The following TMTC1 variants were observed in gnomAD, a reference collection of about 807,000 sequenced individuals.
The protein encoded by TMTC1 is protein O-mannosyl-transferase TMTC1.
Under a neutral mutation model 104.8 loss-of-function variants are expected in TMTC1, and 73 were observed. That is an observed-to-expected ratio of 0.70 (90% CI 0.58 to 0.85). The LOEUF is 0.85. Among genes scored for constraint, TMTC1 ranks in the 40% least tolerant of loss-of-function variants. TMTC1 has a pLI of 0.00. For synonymous variants in TMTC1, 434 were observed against 428.7 expected (o/e 1.01, Z -0.15); for missense variants, 1,035 against 1,096.1 (o/e 0.94, Z 0.79).
Position 29,768,191 on chromosome 12 carries a change from T to G in TMTC1, c.303-116A>C, listed in dbSNP as rs150440187. On this transcript the variant is annotated intron_variant, in intron 1 of 17. Transcript: ENST00000539277. ...GATAAGCTATTAGATTAATGATTTTTAAATGATTCCCAACATTGGGTTATT... is the reference window on the plus strand; with the variant it reads ...GATAAGCTATTAGATTAATGATTTTGAAATGATTCCCAACATTGGGTTATT... The G allele has an allele frequency of 2.1e-3, 1,723 of 805,084 alleles. 23 individuals carry two copies. In the African/African-American group the frequency reaches 0.025, roughly 12 times the overall value. The allele number at this position is 805,084 out of a possible 1,614,324, so 49.9% of individuals were successfully genotyped here.
intron 7 of TMTC1, among the ~76,000 whole-genome samples, chr12:29,599,095 T>C (rs1946485817): frequency 6.6e-6 from 1 of 152,238 alleles, no homozygotes; most frequent in Non-Finnish European, 1.5e-5. Context: ...GAATGAATAT[T>C]CAGTCACTTT....
intron 4 of TMTC1, among the ~76,000 whole-genome samples, chr12:29,752,584 A>G (rs182736379): frequency 6.6e-6 from 1 of 152,378 alleles, no homozygotes; most frequent in East Asian, 1.9e-4. Flanking sequence ...TTAGTTTATA[A>G]TAGCAAAAAT....
At chr12:29,625,820 G>A (rs999299337) in intron 6 of TMTC1, among the ~76,000 whole-genome samples, 1 of 152,128 alleles carries the variant, frequency 6.6e-6, no homozygotes. Flanking sequence ...CCCTTAATTA[G>A]CTGGGAGAAA....
At chr12:29,736,149 C>A (rs1942666895) in intron 5 of TMTC1, among the ~76,000 whole-genome samples, 1 of 149,952 alleles carries the variant, frequency 6.7e-6, no homozygotes, top group African/African-American at 2.5e-5. Context: ...AGCCAATATA[C>A]AGAAAGCCCA....
intron 5 of TMTC1, among the ~76,000 whole-genome samples, chr12:29,720,437 T>C (rs1591972877): frequency 6.6e-6 from 1 of 152,110 alleles, no homozygotes; most frequent in Middle Eastern, 3.4e-3. Context: ...TAAATATGCA[T>C]AAGAAGGAAA....
At chr12:29,613,359 CA>C (rs1946895272) in intron 6 of TMTC1, among the ~76,000 whole-genome samples, 1 of 152,156 alleles carries the variant, frequency 6.6e-6, no homozygotes, top group African/African-American at 2.4e-5. Flanking sequence ...CAAGAGAGAA[CA>C]TCTGGGCAAA....
chr12:29,694,507 C>T (rs375691403), intron 5 of TMTC1, among the ~76,000 whole-genome samples: 2 of 151,912 alleles, frequency 1.3e-5, no homozygotes, highest in Admixed American at 6.6e-5. Context: ...TACTGTATTG[C>T]TTTTTAAATT....
chr12:29,717,194 G>A (rs1283683279), intron 5 of TMTC1, among the ~76,000 whole-genome samples: 1 of 152,048 alleles, frequency 6.6e-6, no homozygotes, highest in Non-Finnish European at 1.5e-5. Context: ...AACAACATAT[G>A]GGAAATTATA....
chr12:29,597,137 A>C (rs1383756056), intron 7 of TMTC1, among the ~76,000 whole-genome samples: 3 of 151,884 alleles, frequency 2.0e-5, no homozygotes, highest in Admixed American at 1.3e-4. Flanking sequence ...TGGCCCTCTC[A>C]GTGTCCAGGG....
intron 16 of TMTC1, among the ~76,000 whole-genome samples, chr12:29,512,842 C>T (rs1166632689): frequency 1.3e-5 from 2 of 152,076 alleles, no homozygotes; most frequent in East Asian, 1.9e-4. Flanking sequence ...CAAGTGGTCA[C>T]CTGAAATAAA....
chr12:29,675,089 T>C, intron 5 of TMTC1, among the ~76,000 whole-genome samples: 1 of 152,232 alleles, frequency 6.6e-6, no homozygotes, highest in East Asian at 1.9e-4. Flanking sequence ...CATTGGTTTC[T>C]GTCTTAATTC....
At chr12:29,681,420 G>T (rs146721485) in intron 5 of TMTC1, among the ~76,000 whole-genome samples, 1 of 152,070 alleles carries the variant, frequency 6.6e-6, no homozygotes, top group South Asian at 2.1e-4. Flanking sequence ...CTGAAATAAC[G>T]GACCTAGGTA....
chr12:29,768,724 T>C (rs1592033818), intron 1 of TMTC1, among the ~76,000 whole-genome samples: 1 of 152,316 alleles, frequency 6.6e-6, no homozygotes, highest in East Asian at 1.9e-4. Flanking sequence ...TAAATGTTTT[T>C]AACATAAATT....
chr12:29,659,651 G>C (rs1296719426), intron 5 of TMTC1, among the ~76,000 whole-genome samples: 1 of 152,098 alleles, frequency 6.6e-6, no homozygotes, highest in African/African-American at 2.4e-5. Context: ...AACTAAGACA[G>C]TATCCAGTTA....
intron 17 of TMTC1, 22 bp from the exon 18 acceptor site, chr12:29,507,008 C>T (rs369377592): frequency 1.2e-6 from 2 of 1,605,320 alleles, no homozygotes; most frequent in Non-Finnish European, 1.7e-6. Flanking sequence ...AAAGAGGGAG[C>T]AATTACATTC....
chr12:29,682,901 T>C (rs57441371), intron 5 of TMTC1, among the ~76,000 whole-genome samples: 1,538 of 152,312 alleles, frequency 0.01, 35 homozygotes, highest in African/African-American at 0.035. Flanking sequence ...ATTGCATGGA[T>C]GTCAATTTCC....
chr12:29,595,887 TC>T (rs1366301995), intron 7 of TMTC1, among the ~76,000 whole-genome samples: 1 of 152,214 alleles, frequency 6.6e-6, no homozygotes, highest in African/African-American at 2.4e-5. Context: ...CTTGACAGAC[TC>T]AGCTTTCTTT....
intron 5 of TMTC1, among the ~76,000 whole-genome samples, chr12:29,699,211 AG>A (rs1941510704): frequency 6.6e-6 from 1 of 152,328 alleles, no homozygotes; most frequent in East Asian, 1.9e-4. Context: ...AGTTGTGCAG[AG>A]GAAGGTCTCT....
chr12:29,630,554 T>C (rs1456744217), intron 6 of TMTC1, among the ~76,000 whole-genome samples: 1 of 152,172 alleles, frequency 6.6e-6, no homozygotes, highest in East Asian at 1.9e-4. Flanking sequence ...CAGTCTTACA[T>C]GTCTGGCTTC....
Sources: gnomAD v4.1 joint callset for allele counts (sites outside exome capture counted in the v4.1 genomes callset) on GRCh38, gnomAD v4.1.1 for gene constraint, MANE v1.5 for transcripts, NCBI Gene and HGNC (gene_info 2026-07-23, HGNC 2026-07-21) for gene names.